ZNF674: variants seen among roughly 807,000 people sequenced by gnomAD.
ZNF674 encodes the protein zinc finger protein 674.
ZNF674 carries 2 observed loss-of-function variants against 7.0 expected under a neutral mutation model. The observed-to-expected ratio is 0.29, with a 90% confidence interval of 0.12 to 0.90. The LOEUF is 0.90. Ranked by LOEUF, ZNF674 falls within the 40% of genes least tolerant of loss-of-function variation. ZNF674 has a pLI of 0.57. For synonymous variants in ZNF674, 103 were observed against 145.2 expected (o/e 0.71, Z 2.09); for missense variants, 297 against 415.5 (o/e 0.71, Z 2.48).
intron 5 of ZNF674, among the ~76,000 whole-genome samples, chrX:46,507,630 G>C (rs771372522): frequency 9.0e-6 from 1 of 111,306 alleles, no homozygotes; most frequent in East Asian, 2.8e-4. Flanking sequence ...CAGATACAGA[G>C]AGCTAACTGT....
At chrX:46,540,441 T>C (rs764350352) in intron 3 of ZNF674, among the ~76,000 whole-genome samples, 3 of 112,063 alleles carry the variant, frequency 2.7e-5, no homozygotes, top group South Asian at 7.3e-4. Context: ...CTATTCAGAA[T>C]ACTTTTACAT....
intron 2 of ZNF674, among the ~76,000 whole-genome samples, chrX:46,543,668 T>C (rs1942330351): frequency 8.9e-6 from 1 of 112,152 alleles, no homozygotes; most frequent in East Asian, 2.8e-4. Context: ...ATTGCCATGC[T>C]CCTCCTTCTT....
At chrX:46,538,265 A>G (rs775220192) in intron 3 of ZNF674, among the ~76,000 whole-genome samples, 1 of 111,597 alleles carries the variant, frequency 9.0e-6, no homozygotes, top group East Asian at 2.8e-4. Flanking sequence ...TCATTCAGTA[A>G]CCACTTTTTC....
chrX:46,521,921 A>T (rs769573764), intron 5 of ZNF674, among the ~76,000 whole-genome samples: 17 of 108,200 alleles, frequency 1.6e-4, no homozygotes, highest in Non-Finnish European at 2.7e-4. Flanking sequence ...TAGAATAGAA[A>T]AGAAAAGAAA....
At chrX:46,539,831 C>T (rs1201844959) in intron 3 of ZNF674, among the ~76,000 whole-genome samples, 1 of 112,092 alleles carries the variant, frequency 8.9e-6, no homozygotes, top group Non-Finnish European at 1.9e-5. Context: ...CAACTAAATA[C>T]AAGTAAAGTG....
At chrX:46,536,107 A>C (rs766065212) in intron 3 of ZNF674, among the ~76,000 whole-genome samples, 34 of 112,215 alleles carry the variant, frequency 3.0e-4, no homozygotes, top group Non-Finnish European at 6.0e-4. Flanking sequence ...CTAGTGAAAT[A>C]TTTATGTGTA....
chrX:46,529,150 G>T, intron 3 of ZNF674: 1 of 492,144 alleles, frequency 2.0e-6, no homozygotes, highest in Non-Finnish European at 3.3e-6. Context: ...CACGCAGTCT[G>T]GCTCCCGCAT....
intron 5 of ZNF674, among the ~76,000 whole-genome samples, chrX:46,516,030 G>C (rs1445874266): frequency 9.0e-6 from 1 of 111,354 alleles, no homozygotes; most frequent in Non-Finnish European, 1.9e-5. Flanking sequence ...AGAAAAGAAG[G>C]GTCTCAAATG....
intron 3 of ZNF674, among the ~76,000 whole-genome samples, chrX:46,540,186 G>C (rs1488970639): frequency 1.8e-5 from 2 of 110,140 alleles, no homozygotes; most frequent in African/African-American, 6.6e-5. Flanking sequence ...GGAGCTCGCA[G>C]TGAGCCGAGA....
chrX:46,528,257 T>A lies in ZNF674; in HGVS notation c.238+93A>T, dbSNP rs1942043739. The A allele has an allele frequency of 4.4e-6, 4 of 904,449 alleles. No homozygotes were observed. The East Asian group carries it at 1.2e-4, about 28-fold the overall frequency. The allele number at this position is 904,449 out of a possible 1,213,427, so 74.5% of individuals were successfully genotyped here. ...AGGCATGTCCACAAGTCCGAGGCTC[T>A]GAGAAGAGCTCCTGAGCACATCCCA... On this transcript the variant is annotated intron_variant, in intron 5 of 5. Coordinates refer to ENST00000683375, the MANE Select transcript of ZNF674 (RefSeq NM_001190417.2).
intron 5 of ZNF674, among the ~76,000 whole-genome samples, chrX:46,524,226 C>T (rs771057664): frequency 1.8e-5 from 2 of 111,675 alleles, no homozygotes; most frequent in East Asian, 5.6e-4. Context: ...ATAACCCTGA[C>T]GTCAAAACCA....
chrX:46,509,887 C>T lies in ZNF674; in HGVS notation c.239-8552G>A, dbSNP rs181816105. ...CACAATAGCAAAGACTTGGAACCAA[C>T]GCAAATGTCCAACAACGATAGACTG... On this transcript the variant is annotated intron_variant, in intron 5 of 5. Transcript: ENST00000683375. 6.4e-3 allele frequency among the ~76,000 whole-genome samples: 704 copies of T among 110,286 alleles called. 8 individuals are homozygous for T. The highest frequency in any genetic ancestry group is 0.022 in the African/African-American group (666 of 30,332).
intron 5 of ZNF674, among the ~76,000 whole-genome samples, chrX:46,511,750 G>A (rs781290423): frequency 5.5e-4 from 62 of 112,210 alleles, no homozygotes; most frequent in Middle Eastern, 4.7e-3. Context: ...CAGGCCGGGC[G>A]CAATGGCTCA....
chrX:46,519,265 A>ATAG (rs1569476445), intron 5 of ZNF674, among the ~76,000 whole-genome samples: 13 of 45,713 alleles, frequency 2.8e-4, no homozygotes, highest in Non-Finnish European at 5.4e-4. Context: ...TAGATAGATA[A>ATAG]AGATAGATGA....
At chrX:46,522,527 A>G (rs1432016471) in intron 5 of ZNF674, among the ~76,000 whole-genome samples, 1 of 111,283 alleles carries the variant, frequency 9.0e-6, no homozygotes, top group Non-Finnish European at 1.9e-5. Context: ...AGCTGAGCAC[A>G]GTGGCACATG....
At chrX:46,542,791 G>A (rs1329858250) in intron 2 of ZNF674, among the ~76,000 whole-genome samples, 3 of 111,446 alleles carry the variant, frequency 2.7e-5, no homozygotes, top group East Asian at 2.8e-4. Flanking sequence ...AATATGACAC[G>A]TGCAAAACAA....
At chrX:46,517,497 C>A (rs1941789700) in intron 5 of ZNF674, among the ~76,000 whole-genome samples, 1 of 110,928 alleles carries the variant, frequency 9.0e-6, no homozygotes, top group East Asian at 2.8e-4. Flanking sequence ...CACAGCACAC[C>A]AGAATCAATA....
chrX:46,520,138 G>A lies in ZNF674; in HGVS notation c.238+8212C>T, dbSNP rs184233128. ...GAGTGACGGTCAGGTGTGGTGGCTC[G>A]CGCCTGTAATCCCAGCACTTTGGGA... On this transcript the variant is annotated intron_variant, in intron 5 of 5. Coordinates refer to ENST00000683375, the MANE Select transcript of ZNF674 (RefSeq NM_001190417.2). Among the ~76,000 whole-genome samples, 6 of 111,413 alleles carry A rather than the reference G, an allele frequency of 5.4e-5. No homozygotes were observed. The East Asian group carries it at 8.4e-4, about 16-fold the overall frequency.
At chrX:46,501,662 A>ATG (rs372308686) in intron 5 of ZNF674, among the ~76,000 whole-genome samples, 24,467 of 102,181 alleles carry the variant, frequency 0.24, 2,931 homozygotes, top group Middle Eastern at 0.37. Context: ...TTGTATATAT[A>ATG]TGTGTGTGTG....
Sources: gnomAD v4.1 joint callset for allele counts (sites outside exome capture counted in the v4.1 genomes callset) on GRCh38, gnomAD v4.1.1 for gene constraint, MANE v1.5 for transcripts, NCBI Gene and HGNC (gene_info 2026-07-23, HGNC 2026-07-21) for gene names.